TRPM3: variants seen among roughly 807,000 people sequenced by gnomAD.
TRPM3 encodes the protein long transient receptor potential channel 3.
Under a neutral mutation model 181.2 loss-of-function variants are expected in TRPM3, and 77 were observed. The observed-to-expected ratio is 0.42, with a 90% confidence interval of 0.35 to 0.51. The LOEUF (loss-of-function observed/expected upper bound fraction) is 0.51, where lower values mean the gene tolerates loss of function less well. Among genes scored for constraint, TRPM3 ranks in the 20% least tolerant of loss-of-function variants. The pLI is 0.01. For missense variants in TRPM3, 1,759 were observed against 2,196.7 expected (o/e 0.80, Z 3.98); for synonymous variants, 745 against 796.4 (o/e 0.94, Z 1.09).
intron 1 of TRPM3, among the ~76,000 whole-genome samples, chr9:71,109,490 A>C (rs1268406901): frequency 6.6e-6 from 1 of 152,196 alleles, no homozygotes; most frequent in African/African-American, 2.4e-5. Flanking sequence ...CTGCATACCA[A>C]CTATACGCAA....
At position 70,536,717 on chromosome 9, in the gene TRPM3, G is replaced by T. The variant is rs562919997; in HGVS notation, c.4396C>A (p.Pro1466Thr). 8 of 1,614,074 alleles carry T rather than the reference G, an allele frequency of 5.0e-6. No homozygotes were observed. Among genetic ancestry groups the T allele is most frequent in the Non-Finnish European group, 6.8e-6 (8 of 1,180,048 alleles). The change falls in exon 26 of 26, where the codon CCT becomes ACT. Residue 1466 changes from proline (P) to threonine (T), a missense_variant. Physicochemically the swap from Pro to Thr is conservative, Grantham distance 38. Around this residue, in one of 8 missense-constraint regions of TRPM3, gnomAD observed 612 missense variants for 590.0 expected, o/e 1.04. Transcript: ENST00000677713. Reference protein sequence around the residue: ...AYATLAPTDRPPSRSIDFEDI... With the variant: ...AYATLAPTDRTPSRSIDFEDI... Reference sequence around the variant, plus strand: ...TCAAAATCAATGCTCCGGCTTGGAGGTCTGTCTGTGGGTGCAAGTGTTGCA... The same window carrying T: ...TCAAAATCAATGCTCCGGCTTGGAGTTCTGTCTGTGGGTGCAAGTGTTGCA...
At chr9:71,222,917 A>G (rs1268486377) in intron 1 of TRPM3, among the ~76,000 whole-genome samples, 1 of 152,128 alleles carries the variant, frequency 6.6e-6, no homozygotes, top group African/African-American at 2.4e-5. Context: ...AAGCCTCACC[A>G]CCATGGGATA....
chr9:71,005,409 A>G (rs898527940), intron 1 of TRPM3, among the ~76,000 whole-genome samples: 1 of 152,156 alleles, frequency 6.6e-6, no homozygotes, highest in African/African-American at 2.4e-5. Context: ...TCCATGTCAA[A>G]AAAAAAAACC....
At chr9:71,248,824 C>T (rs1446315751) in intron 1 of TRPM3, among the ~76,000 whole-genome samples, 1 of 152,044 alleles carries the variant, frequency 6.6e-6, no homozygotes, top group Non-Finnish European at 1.5e-5. Context: ...AATAAAAGTT[C>T]TGTGTTTTGT....
intron 1 of TRPM3, among the ~76,000 whole-genome samples, chr9:71,332,512 G>C (rs1164422991): frequency 6.6e-6 from 1 of 150,886 alleles, no homozygotes; most frequent in Non-Finnish European, 1.5e-5. Flanking sequence ...TTTTAAAAAT[G>C]TATTTATTAC....
intron 1 of TRPM3, among the ~76,000 whole-genome samples, chr9:71,195,474 G>C (rs968003270): frequency 2.6e-5 from 4 of 151,926 alleles, no homozygotes; most frequent in Admixed American, 2.6e-4. Flanking sequence ...GTGCCAGTGA[G>C]GTTAAGGAAA....
intron 8 of TRPM3, among the ~76,000 whole-genome samples, chr9:70,737,739 A>G (rs1194565826): frequency 6.6e-6 from 1 of 151,718 alleles, no homozygotes; most frequent in African/African-American, 2.4e-5. Context: ...ATCAGACAAA[A>G]CAAACTTTAA....
chr9:70,944,904 C>A (rs565623173), intron 1 of TRPM3, among the ~76,000 whole-genome samples: 369 of 150,522 alleles, frequency 2.5e-3, no homozygotes, highest in African/African-American at 5.5e-3. Context: ...AAAAAAAAAA[C>A]CACATAAAAG....
At chr9:71,163,823 G>A (rs531797829) in intron 1 of TRPM3, among the ~76,000 whole-genome samples, 14 of 152,242 alleles carry the variant, frequency 9.2e-5, no homozygotes, top group South Asian at 2.1e-4. Context: ...CCTGGAAAGA[G>A]GGATTCTAGA....
At chr9:70,978,778 G>C (rs11142657) in intron 1 of TRPM3, among the ~76,000 whole-genome samples, 4,278 of 152,262 alleles carry the variant, frequency 0.028, 108 homozygotes, top group Non-Finnish European at 0.045. Flanking sequence ...GTGGGGAAGT[G>C]GGTCTCATGG....
intron 1 of TRPM3, among the ~76,000 whole-genome samples, chr9:71,059,842 TAC>T (rs1394425592): frequency 1.3e-5 from 2 of 152,000 alleles, no homozygotes; most frequent in Admixed American, 1.3e-4. Flanking sequence ...AATAAACCTT[TAC>T]ACACACACAT....
intron 1 of TRPM3, among the ~76,000 whole-genome samples, chr9:71,394,301 A>G (rs2093137773): frequency 6.6e-6 from 1 of 152,236 alleles, no homozygotes; most frequent in African/African-American, 2.4e-5. Context: ...AAAAAACAGG[A>G]AACTAAATTG....
chr9:71,004,594 C>T lies in TRPM3; in HGVS notation c.177+116584G>A, dbSNP rs77118131. ...ATTATGAAAACCCAGAGAACTATGA[C>T]ATCACCAAAAGAAACAAACAAAGTT... is the stretch of plus-strand genomic sequence containing the variant. On this transcript the variant is annotated intron_variant, in intron 1 of 25. Transcript: ENST00000677713. Among the ~76,000 whole-genome samples the T allele has an allele frequency of 5.0e-3, 754 of 152,276 alleles. 19 individuals carry two copies. The East Asian group carries it at 0.078, about 16-fold the overall frequency.
intron 12 of TRPM3, among the ~76,000 whole-genome samples, chr9:70,631,675 T>C (rs1020482905): frequency 1.3e-5 from 2 of 152,226 alleles, no homozygotes; most frequent in Non-Finnish European, 2.9e-5. Context: ...GATTTATGCA[T>C]GAAAATAGTT....
chr9:70,533,617 C>G lies in TRPM3; in HGVS notation c.*2336G>C, dbSNP rs746613004. On this transcript the variant is annotated 3_prime_UTR_variant, in exon 26 of 26. Coordinates refer to ENST00000677713, the MANE Select transcript of TRPM3 (RefSeq NM_001366145.2). The stretch of plus-strand genomic sequence containing the variant: ...TTTTTTTTTCTTTCTGGAGAGAGAG[C>G]CTAGAGTTATCGTAGAGCCTCGTAG... 2 of 151,894 alleles carry G rather than the reference C, an allele frequency of 1.3e-5. No homozygotes were observed. Among genetic ancestry groups the G allele is most frequent in the African/African-American group, 2.4e-5 (1 of 41,350 alleles). 9.4% of individuals were successfully genotyped at this position (151,894 alleles called of 1,614,324 possible). A position where few individuals can be genotyped will look rare whatever the true frequency, so the allele number is the denominator to read the frequency against.
At chr9:70,928,796 G>A (rs1398408043) in intron 1 of TRPM3, among the ~76,000 whole-genome samples, 2 of 152,192 alleles carry the variant, frequency 1.3e-5, no homozygotes, top group East Asian at 3.9e-4. Context: ...GCAAACTCAT[G>A]AGAGGCCTGG....
chr9:70,746,136 G>C (rs1210924548), intron 8 of TRPM3, among the ~76,000 whole-genome samples: 2 of 152,126 alleles, frequency 1.3e-5, no homozygotes, highest in East Asian at 1.9e-4. Flanking sequence ...CTGACACCCT[G>C]ACCTGACAAG....
At chr9:71,416,112 G>T (rs1344741041) in intron 1 of TRPM3, among the ~76,000 whole-genome samples, 1 of 150,260 alleles carries the variant, frequency 6.7e-6, no homozygotes, top group Admixed American at 6.7e-5. Flanking sequence ...AAAGAAAAAA[G>T]ACCTGGTAGT....
At chr9:70,561,624 G>A (rs540056630) in intron 22 of TRPM3, among the ~76,000 whole-genome samples, 103 of 152,222 alleles carry the variant, frequency 6.8e-4, no homozygotes, top group Non-Finnish European at 1.1e-3. Flanking sequence ...CTTCTTTTGT[G>A]GCTTAAGTTT....
Sources: allele counts gnomAD v4.1 joint callset (sites outside exome capture counted in the v4.1 genomes callset), GRCh38; gene constraint gnomAD v4.1.1; regional missense constraint gnomAD v4.1.1; transcripts MANE v1.5; gene names NCBI Gene and HGNC (gene_info 2026-07-23, HGNC 2026-07-21).